DAB1: variants seen among roughly 807,000 people sequenced by gnomAD.
DAB1 encodes disabled homolog 1.
A neutral mutation model predicts 64.6 loss-of-function variants in DAB1; 15 were observed. The ratio of observed to expected loss-of-function variants is 0.23; its 90% CI spans 0.16 to 0.36. The LOEUF is 0.36. Among genes scored for constraint, DAB1 ranks in the 10% least tolerant of loss-of-function variants. The pLI is 1.00. For synonymous variants in DAB1, 235 were observed against 251.9 expected (o/e 0.93, Z 0.64); for missense variants, 596 against 706.7 (o/e 0.84, Z 1.78).
chr1:58,073,552 T>C (rs1649406112), intron 5 of DAB1, among the ~76,000 whole-genome samples: 1 of 152,222 alleles, frequency 6.6e-6, no homozygotes, highest in African/African-American at 2.4e-5. Context: ...TTCTGAAACA[T>C]AGTAAGTCCT....
At chr1:58,514,881 C>T (rs1244975113) in intron 2 of DAB1, among the ~76,000 whole-genome samples, 1 of 152,176 alleles carries the variant, frequency 6.6e-6, no homozygotes, top group Non-Finnish European at 1.5e-5. Flanking sequence ...ACCTTACTGT[C>T]TATGAGAGCT....
chr1:58,544,845 C>T (rs1210801599), intron 1 of DAB1, among the ~76,000 whole-genome samples: 1 of 152,330 alleles, frequency 6.6e-6, no homozygotes, highest in East Asian at 1.9e-4. Context: ...CTGCTCACCT[C>T]GGTCTCCCAA....
chr1:57,918,563 A>G (rs368010986), intron 5 of DAB1, among the ~76,000 whole-genome samples: 57 of 152,226 alleles, frequency 3.7e-4, no homozygotes, highest in East Asian at 1.5e-3. Flanking sequence ...GGTGGCTCAC[A>G]CCTGTAATCC....
chr1:58,350,273 C>T (rs910481337), intron 3 of DAB1, among the ~76,000 whole-genome samples: 2 of 152,142 alleles, frequency 1.3e-5, no homozygotes, highest in East Asian at 3.9e-4. Context: ...AATGTCTGCT[C>T]ATATCCTCTG....
intron 5 of DAB1, among the ~76,000 whole-genome samples, chr1:58,018,029 T>G (rs1376497552): frequency 6.6e-6 from 1 of 152,194 alleles, no homozygotes; most frequent in Non-Finnish European, 1.5e-5. Flanking sequence ...AATTGACAGC[T>G]ATAAAGTAAA....
At chr1:57,050,198 G>A (rs1355239681) in intron 9 of DAB1, among the ~76,000 whole-genome samples, 1 of 152,268 alleles carries the variant, frequency 6.6e-6, no homozygotes, top group Non-Finnish European at 1.5e-5. Flanking sequence ...TACCTGGCAT[G>A]GGATCTGTTT....
chr1:58,544,755 G>A (rs745444787), intron 1 of DAB1, among the ~76,000 whole-genome samples: 2 of 152,060 alleles, frequency 1.3e-5, no homozygotes, highest in Non-Finnish European at 2.9e-5. Context: ...TACCACATCT[G>A]GCTAATTTTT....
At chr1:57,617,305 G>T (rs961138087) in intron 7 of DAB1, among the ~76,000 whole-genome samples, 4 of 152,046 alleles carry the variant, frequency 2.6e-5, no homozygotes, top group Non-Finnish European at 4.4e-5. Flanking sequence ...TTAGCCCCCT[G>T]CCTCAATTCA....
intron 4 of DAB1, among the ~76,000 whole-genome samples, chr1:58,304,677 A>G (rs1662265846): frequency 1.3e-5 from 2 of 152,194 alleles, no homozygotes; most frequent in Non-Finnish European, 2.9e-5. Flanking sequence ...GCTGCTCTAC[A>G]GAAAAGCTGT....
intron 2 of DAB1, among the ~76,000 whole-genome samples, chr1:57,190,628 T>G (rs1305875933): frequency 6.6e-6 from 1 of 152,148 alleles, no homozygotes; most frequent in East Asian, 1.9e-4. Flanking sequence ...TTCCCCAGTA[T>G]GCAAAAGTCA....
chr1:58,524,872 C>A lies in DAB1; in HGVS notation n.107+2389G>T, dbSNP rs548490544. 5.9e-5 allele frequency among the ~76,000 whole-genome samples: 9 copies of A among 152,306 alleles called. No individual in the cohort carries two copies. The South Asian group carries it at 1.0e-3, about 18-fold the overall frequency. On this transcript the variant is annotated intron_variant and non_coding_transcript_variant, in intron 2 of 20. Coordinates refer to the DAB1 transcript ENST00000485760. Reference sequence around the variant, plus strand: ...CTGCAAGAGACCATTTACTAAGATACTCAATTTACTGGAGAGAAAGCTGCT... The same window carrying A: ...CTGCAAGAGACCATTTACTAAGATAATCAATTTACTGGAGAGAAAGCTGCT...
intron 2 of DAB1, among the ~76,000 whole-genome samples, chr1:57,278,311 T>G (rs1025196730): frequency 1.3e-5 from 2 of 152,240 alleles, no homozygotes; most frequent in African/African-American, 4.8e-5. Context: ...AAAGTTATTG[T>G]ATTCCCTCCC....
At chr1:57,881,006 C>T (rs1352249783) in intron 1 of DAB1, 1 of 152,140 alleles carries the variant, frequency 6.6e-6, no homozygotes, top group African/African-American at 2.4e-5. Flanking sequence ...GGAGTTGGAG[C>T]ATAAGTTGCT....
At chr1:58,490,592 T>C (rs559793446) in intron 3 of DAB1, among the ~76,000 whole-genome samples, 25 of 151,994 alleles carry the variant, frequency 1.6e-4, no homozygotes, top group African/African-American at 5.8e-4. Flanking sequence ...ATACAGAGAA[T>C]GCCACAAAGA....
intron 4 of DAB1, among the ~76,000 whole-genome samples, chr1:57,081,395 C>A (rs1652544259): frequency 6.6e-6 from 1 of 152,064 alleles, no homozygotes. Context: ...TTCCTTGGAG[C>A]TCACAAGATA....
chr1:57,441,360 T>C (rs1244329992), intron 7 of DAB1, among the ~76,000 whole-genome samples: 2 of 151,352 alleles, frequency 1.3e-5, no homozygotes, highest in African/African-American at 4.9e-5. Flanking sequence ...TTTTTCTTTC[T>C]TCTTTCTTTT....
chr1:57,554,779 T>C (rs767166197), intron 7 of DAB1, among the ~76,000 whole-genome samples: 29 of 152,316 alleles, frequency 1.9e-4, no homozygotes, highest in Non-Finnish European at 4.4e-5. Context: ...AGCCTACAAA[T>C]ATTTTGAGTG....
At chr1:57,020,950 G>A (rs1050298709) in intron 11 of DAB1, among the ~76,000 whole-genome samples, 5 of 152,126 alleles carry the variant, frequency 3.3e-5, no homozygotes, top group South Asian at 2.1e-4. Context: ...CAGTCCATCC[G>A]TTGTATCACA....
chr1:58,363,192 T>C (rs1351965021), intron 3 of DAB1, among the ~76,000 whole-genome samples: 2 of 152,164 alleles, frequency 1.3e-5, no homozygotes, highest in African/African-American at 4.8e-5. Context: ...TGGGTTTGGG[T>C]TGGGAGCACA....
Sources: allele counts gnomAD v4.1 joint callset (sites outside exome capture counted in the v4.1 genomes callset), GRCh38; gene constraint gnomAD v4.1.1; transcripts MANE v1.5; gene names NCBI Gene and HGNC (gene_info 2026-07-23, HGNC 2026-07-21).